Variants in SCAPER observed in about 807,000 individuals in gnomAD.
The protein encoded by SCAPER is S phase cyclin A-associated protein in the endoplasmic reticulum.
In SCAPER, 98 loss-of-function variants were observed where a neutral mutation model predicts 182.2. That is an observed-to-expected ratio of 0.54 (90% CI 0.46 to 0.64). The LOEUF is 0.64. Ranked by LOEUF, SCAPER falls within the 30% of genes least tolerant of loss-of-function variation. SCAPER has a pLI of 0.00. For missense variants in SCAPER, 1,432 were observed against 1,690.0 expected, an observed-to-expected ratio of 0.85 and a Z score of 2.68; for synonymous variants, 605 against 564.6, an observed-to-expected ratio of 1.07 and a Z score of -1.01.
At chr15:76,772,988 C>T (rs1177170806) in intron 9 of SCAPER, among the ~76,000 whole-genome samples, 2 of 151,800 alleles carry the variant, frequency 1.3e-5, no homozygotes, top group East Asian at 3.8e-4. Flanking sequence ...TACTATTGGT[C>T]AGAACTTAAA....
At position 76,883,803 on chromosome 15, in the gene SCAPER, A is replaced by C. The variant is rs752387357; in HGVS notation, c.6+9T>G. On this transcript the variant is annotated intron_variant, in intron 2 of 31. Transcript: ENST00000563290. ...AAAAACTAAGGCTAGTCTTTAAGAT[A>C]TCACTTACCATCATTCTTTAAATTC... 1 of 1,527,674 alleles carries C rather than the reference A, an allele frequency of 6.5e-7. No individual in the cohort carries two copies. Among genetic ancestry groups the C allele is most frequent in the Non-Finnish European group, 8.8e-7 (1 of 1,132,568 alleles). The allele number at this position is 1,527,674 out of a possible 1,614,324, so 94.6% of individuals were successfully genotyped here. A position where few individuals can be genotyped will look rare whatever the true frequency, so the allele number is the denominator to read the frequency against.
intron 22 of SCAPER, among the ~76,000 whole-genome samples, chr15:76,606,471 G>A (rs1174321140): frequency 6.6e-6 from 1 of 152,152 alleles, no homozygotes; most frequent in Non-Finnish European, 1.5e-5. Flanking sequence ...GTGGTGTGGT[G>A]CTGAAAAGAA....
chr15:76,727,051 T>C (rs1025192347), intron 17 of SCAPER, among the ~76,000 whole-genome samples: 4 of 134,122 alleles, frequency 3.0e-5, no homozygotes, highest in South Asian at 2.9e-4. Flanking sequence ...AAATCCTTTA[T>C]AGAAAAAAAA....
At chr15:76,857,426 G>A (rs1181602081) in intron 4 of SCAPER, among the ~76,000 whole-genome samples, 1 of 147,876 alleles carries the variant, frequency 6.8e-6, no homozygotes, top group Non-Finnish European at 1.5e-5. Flanking sequence ...GGATGAGACT[G>A]TCTCAAAGAA....
At chr15:76,855,626 T>C (rs1450459524) in intron 4 of SCAPER, among the ~76,000 whole-genome samples, 1 of 151,970 alleles carries the variant, frequency 6.6e-6, no homozygotes, top group Non-Finnish European at 1.5e-5. Flanking sequence ...ACAAACTCTA[T>C]TCTAAAGAAG....
intron 25 of SCAPER, among the ~76,000 whole-genome samples, chr15:76,444,374 G>C (rs971091939): frequency 6.6e-6 from 1 of 152,142 alleles, no homozygotes; most frequent in African/African-American, 2.4e-5. Context: ...TCTTGAACTT[G>C]ATGGAACTTA....
chr15:76,709,700 A>G (rs1254031081), intron 17 of SCAPER, among the ~76,000 whole-genome samples: 2 of 152,244 alleles, frequency 1.3e-5, no homozygotes, highest in Non-Finnish European at 1.5e-5. Flanking sequence ...ACATTCTGTA[A>G]GGCCAGAATT....
At chr15:76,617,571 G>A (rs2146034059) in intron 22 of SCAPER, among the ~76,000 whole-genome samples, 1 of 152,284 alleles carries the variant, frequency 6.6e-6, no homozygotes, top group Non-Finnish European at 1.5e-5. Context: ...CTTGCCTAGG[G>A]TTTTCAGAAG....
intron 5 of SCAPER, among the ~76,000 whole-genome samples, chr15:76,828,741 C>A (rs2068213802): frequency 6.6e-6 from 1 of 152,162 alleles, no homozygotes; most frequent in Non-Finnish European, 1.5e-5. Flanking sequence ...GTAACAGAAG[C>A]CAACTCCCAT....
At chr15:76,408,543 T>C (rs138733222) in intron 26 of SCAPER, among the ~76,000 whole-genome samples, 8 of 152,172 alleles carry the variant, frequency 5.3e-5, no homozygotes, top group Non-Finnish European at 1.0e-4. Flanking sequence ...TATGCATATT[T>C]TTAGGGCTCT....
intron 20 of SCAPER, among the ~76,000 whole-genome samples, chr15:76,670,429 T>G (rs1393265101): frequency 6.6e-6 from 1 of 152,142 alleles, no homozygotes; most frequent in Non-Finnish European, 1.5e-5. Context: ...AATGCCTTAT[T>G]GTTAGACATG....
chr15:76,511,885 ATT>A (rs57258010), intron 23 of SCAPER, among the ~76,000 whole-genome samples: 7,860 of 113,254 alleles, frequency 0.069, 315 homozygotes, highest in African/African-American at 0.11. Context: ...ATATATATAT[ATT>A]TTTTTTTTTT....
chr15:76,356,610 C>T (rs189418168), intron 29 of SCAPER, among the ~76,000 whole-genome samples: 23 of 152,284 alleles, frequency 1.5e-4, no homozygotes, highest in African/African-American at 5.3e-4. Context: ...GGAGCTCTTA[C>T]TAAGTCAATA....
At chr15:76,865,529 T>G (rs2072219873) in intron 2 of SCAPER, among the ~76,000 whole-genome samples, 1 of 151,936 alleles carries the variant, frequency 6.6e-6, no homozygotes, top group African/African-American at 2.4e-5. Context: ...AACAAAGAAA[T>G]AAATAAACAG....
rs2040788909 is a variant in SCAPER at position 76,354,042 on chromosome 15, G to A, written c.3954C>T (p.Phe1318=). ...FSDPRLIKVL[F]PSLIAACYNN... ...TGTAACAAGCAGCGATAAGTGAAGG[G>A]AACAGTACTTTGATCAGCCGTGGGT... Residue 1318 remains phenylalanine, a synonymous_variant, in exon 30 of 32, where the codon TTC becomes TTT. Transcript: ENST00000563290. The surrounding 1 kb of genome is among the most constrained non-coding windows in gnomAD (Gnocchi z 4.4). The A allele has an allele frequency of 2.5e-6, 4 of 1,609,984 alleles. No individual in the cohort carries two copies. The highest frequency in any genetic ancestry group is 3.4e-6 in the Non-Finnish European group (4 of 1,178,846).
Position 76,601,214 on chromosome 15 carries a change from T to C in SCAPER, c.2711+20550A>G, listed in dbSNP as rs1234623596. Among the ~76,000 whole-genome samples the C allele has an allele frequency of 2.5e-5, 3 of 121,878 alleles. No individual in the cohort carries two copies. In the East Asian group the frequency reaches 6.6e-4, roughly 27 times the overall value. The allele number at this position is 121,878 out of a possible 152,430, so 80.0% of individuals were successfully genotyped here. A position where few individuals can be genotyped will look rare whatever the true frequency, so the allele number is the denominator to read the frequency against. ...TTTTTTCTCCATCTAATGATACGTA[T>C]GTGAGTTTTCTTATTTAGCCTGGTT... On this transcript the variant is annotated intron_variant, in intron 22 of 31. Transcript: ENST00000563290.
intron 15 of SCAPER, among the ~76,000 whole-genome samples, chr15:76,750,986 T>C (rs2062053466): frequency 6.6e-6 from 1 of 151,632 alleles, no homozygotes; most frequent in Non-Finnish European, 1.5e-5. Context: ...TAGAAAACAC[T>C]TACAGATTCC....
At chr15:76,700,351 A>G (rs1476421232) in intron 20 of SCAPER, among the ~76,000 whole-genome samples, 1 of 152,032 alleles carries the variant, frequency 6.6e-6, no homozygotes, top group African/African-American at 2.4e-5. Context: ...CCACCTCTCC[A>G]AGCAATTCTC....
intron 1 of SCAPER, among the ~76,000 whole-genome samples, chr15:76,890,901 T>C (rs901180600): frequency 2.0e-5 from 3 of 152,312 alleles, no homozygotes; most frequent in Middle Eastern, 3.4e-3. Context: ...CTGATGAACA[T>C]TGATGCAAAA....
Sources: allele counts gnomAD v4.1 joint callset (sites outside exome capture counted in the v4.1 genomes callset), GRCh38; gene constraint gnomAD v4.1.1; non-coding constraint Gnocchi (gnomAD v3.1); transcripts MANE v1.5; gene names NCBI Gene and HGNC (gene_info 2026-07-23, HGNC 2026-07-21).